The following EPHA6 variants were observed in gnomAD, a reference collection of about 807,000 sequenced individuals.
The protein encoded by EPHA6 is ephrin type-A receptor 6.
A neutral mutation model predicts 112.0 loss-of-function variants in EPHA6; 50 were observed. The observed-to-expected ratio is 0.45, with a 90% CI of 0.36 to 0.56. EPHA6 has a LOEUF of 0.56. Ranked by LOEUF, EPHA6 falls within the 20% of genes least tolerant of loss-of-function variation. The pLI is 0.00. For synonymous variants in EPHA6, 529 were observed against 490.7 expected, an observed-to-expected ratio of 1.08 and a Z score of -1.03; for missense variants, 1,280 against 1,417.4, an observed-to-expected ratio of 0.90 and a Z score of 1.56.
intron 6 of EPHA6, among the ~76,000 whole-genome samples, chr3:97,443,615 C>T (rs1368764210): frequency 6.6e-6 from 1 of 152,004 alleles, no homozygotes; most frequent in Admixed American, 6.6e-5. Flanking sequence ...TTAATATCTG[C>T]CTATATGACA....
chr3:96,900,601 C>T (rs990929638), intron 2 of EPHA6, among the ~76,000 whole-genome samples: 5 of 152,178 alleles, frequency 3.3e-5, no homozygotes, highest in Non-Finnish European at 4.4e-5. Context: ...ACAGAGAATA[C>T]GGCTGTGACA....
rs79561388 is a variant in EPHA6, at chr3:97,123,481, C to G, written c.1115-102783C>G. Among the ~76,000 whole-genome samples the G allele has an allele frequency of 4.6e-3, 704 of 152,106 alleles. 7 individuals carry two copies. The highest frequency in any genetic ancestry group is 0.015 in the African/African-American group (640 of 41,502). ...GGGAATTTAAGCCAATAAGCTACTC[C>G]CGTAGAAATTTGAAATTAGGAGCAT... On this transcript the variant is annotated intron_variant, in intron 3 of 17. Coordinates refer to ENST00000389672, the MANE Select transcript of EPHA6 (RefSeq NM_001080448.3).
At chr3:97,055,270 TA>T (rs2045815752) in intron 3 of EPHA6, among the ~76,000 whole-genome samples, 1 of 152,106 alleles carries the variant, frequency 6.6e-6, no homozygotes, top group Non-Finnish European at 1.5e-5. Context: ...TTATTCACAT[TA>T]AAGTCTGAGA....
At chr3:97,537,539 C>A (rs1180450542) in intron 11 of EPHA6, among the ~76,000 whole-genome samples, 2 of 152,072 alleles carry the variant, frequency 1.3e-5, no homozygotes, top group East Asian at 1.9e-4. Context: ...TAAATTTATT[C>A]ATTCAGCAAA....
At chr3:97,455,604 C>CAT (rs1033046924) in intron 7 of EPHA6, among the ~76,000 whole-genome samples, 9 of 151,998 alleles carry the variant, frequency 5.9e-5, no homozygotes, top group Non-Finnish European at 1.2e-4. Flanking sequence ...TTTGCCTTAG[C>CAT]ATAATGTCTT....
At chr3:97,168,201 G>A (rs920949073) in intron 3 of EPHA6, among the ~76,000 whole-genome samples, 1 of 152,080 alleles carries the variant, frequency 6.6e-6, no homozygotes, top group Non-Finnish European at 1.5e-5. Flanking sequence ...TTTTTACTGT[G>A]ACTGAAAATG....
At chr3:97,451,698 G>A (rs2090535307) in intron 7 of EPHA6, among the ~76,000 whole-genome samples, 1 of 151,646 alleles carries the variant, frequency 6.6e-6, no homozygotes, top group Admixed American at 6.6e-5. Context: ...CATATGGATA[G>A]GTTTCCCATA....
chr3:97,099,467 A>C (rs1294745594), intron 3 of EPHA6, among the ~76,000 whole-genome samples: 2 of 151,010 alleles, frequency 1.3e-5, no homozygotes, highest in Admixed American at 1.3e-4. Flanking sequence ...AGGATTAGAT[A>C]TTTCTTAATA....
chr3:97,220,733 A>G (rs965242202), intron 3 of EPHA6, among the ~76,000 whole-genome samples: 2 of 152,196 alleles, frequency 1.3e-5, no homozygotes, highest in Admixed American at 1.3e-4. Context: ...GAGGATTATA[A>G]TTCAAGATGA....
At chr3:96,979,079 T>A (rs1027339072) in intron 2 of EPHA6, among the ~76,000 whole-genome samples, 6 of 152,134 alleles carry the variant, frequency 3.9e-5, no homozygotes, top group African/African-American at 1.4e-4. Context: ...TTTTATACTT[T>A]AAAATTTCTA....
intron 16 of EPHA6, among the ~76,000 whole-genome samples, chr3:97,738,830 A>G (rs2035382005): frequency 1.3e-5 from 2 of 152,100 alleles, no homozygotes; most frequent in Admixed American, 6.6e-5. Context: ...GACATATGTG[A>G]TACTGCTTTT....
intron 13 of EPHA6, among the ~76,000 whole-genome samples, chr3:97,630,454 A>G (rs1296986936): frequency 1.3e-5 from 2 of 152,024 alleles, no homozygotes; most frequent in Non-Finnish European, 2.9e-5. Flanking sequence ...TTCAAATTCA[A>G]CATCATTTTA....
intron 12 of EPHA6, among the ~76,000 whole-genome samples, chr3:97,607,380 T>C (rs985228176): frequency 6.6e-6 from 1 of 151,090 alleles, no homozygotes; most frequent in Non-Finnish European, 1.5e-5. Flanking sequence ...AAATATATAT[T>C]GGTCAATATT....
intron 5 of EPHA6, among the ~76,000 whole-genome samples, chr3:97,305,437 A>G (rs1049458249): frequency 3.9e-5 from 6 of 152,088 alleles, no homozygotes; most frequent in African/African-American, 1.4e-4. Flanking sequence ...TTACAGCGCT[A>G]TTCACAATAG....
intron 3 of EPHA6, among the ~76,000 whole-genome samples, chr3:97,068,669 C>G (rs2046257332): frequency 6.6e-6 from 1 of 151,908 alleles, no homozygotes; most frequent in African/African-American, 2.4e-5. Context: ...TACCCCTACC[C>G]CACAATTCAT....
chr3:96,925,666 C>T (rs558014886), intron 2 of EPHA6, among the ~76,000 whole-genome samples: 3 of 149,080 alleles, frequency 2.0e-5, no homozygotes, highest in South Asian at 2.1e-4. Flanking sequence ...AGTGCAGTGA[C>T]GTGATCTTGG....
intron 3 of EPHA6, among the ~76,000 whole-genome samples, chr3:97,089,905 G>C (rs76273464): frequency 6.6e-6 from 1 of 151,962 alleles, no homozygotes; most frequent in Non-Finnish European, 1.5e-5. Flanking sequence ...AAAACAAACA[G>C]GGAGATTATT....
At chr3:97,459,358 C>T (rs1483083370) in intron 7 of EPHA6, among the ~76,000 whole-genome samples, 2 of 152,136 alleles carry the variant, frequency 1.3e-5, no homozygotes, top group Non-Finnish European at 2.9e-5. Context: ...GGGGTGGGAC[C>T]CAGCATTCTG....
At chr3:97,651,806 G>T (rs1260930055) in intron 14 of EPHA6, among the ~76,000 whole-genome samples, 4 of 151,942 alleles carry the variant, frequency 2.6e-5, no homozygotes, top group Admixed American at 2.0e-4. Context: ...CAGAAAAAAA[G>T]ACAAAGTAAA....
Sources: gnomAD v4.1 joint callset for allele counts (sites outside exome capture counted in the v4.1 genomes callset) on GRCh38, gnomAD v4.1.1 for gene constraint, MANE v1.5 for transcripts, NCBI Gene and HGNC (gene_info 2026-07-23, HGNC 2026-07-21) for gene names.